Variants in CDH20 observed in about 807,000 individuals in gnomAD.
CDH20 encodes the protein cadherin 20.
Under a neutral mutation model 74.2 loss-of-function variants are expected in CDH20, and 29 were observed. That is an observed-to-expected ratio of 0.39 (90% CI 0.29 to 0.53). The LOEUF is 0.53. Ranked by LOEUF, CDH20 falls within the 20% of genes least tolerant of loss-of-function variation. The pLI, the probability that CDH20 is intolerant of heterozygous loss-of-function variation, is 0.69. For synonymous variants in CDH20, 469 were observed against 405.4 expected (o/e 1.16, Z -1.88); for missense variants, 988 against 1,048.3 (o/e 0.94, Z 0.79).
intron 1 of CDH20, among the ~76,000 whole-genome samples, chr18:61,416,454 C>T (rs1599070014): frequency 6.6e-6 from 1 of 152,320 alleles, no homozygotes; most frequent in East Asian, 1.9e-4. Context: ...GAGAGACAGT[C>T]CAACCTTAGA....
At chr18:61,474,825 A>C (rs1415547948) in intron 1 of CDH20, among the ~76,000 whole-genome samples, 1 of 152,080 alleles carries the variant, frequency 6.6e-6, no homozygotes, top group Non-Finnish European at 1.5e-5. Flanking sequence ...CCCGGGGATC[A>C]ATAGATGTTC....
chr18:61,523,386 G>A (rs186169936), intron 6 of CDH20, among the ~76,000 whole-genome samples: 1 of 152,212 alleles, frequency 6.6e-6, no homozygotes, highest in Non-Finnish European at 1.5e-5. Flanking sequence ...ATGCCAGTTA[G>A]AATGGTGATC....
chr18:61,384,561 T>C (rs924281220), intron 1 of CDH20, among the ~76,000 whole-genome samples: 2 of 152,202 alleles, frequency 1.3e-5, no homozygotes, highest in Admixed American at 1.3e-4. Flanking sequence ...TGGCTGTCAT[T>C]GTCTTTCGAC....
chr18:61,532,553 T>C (rs200424666), intron 7 of CDH20, among the ~76,000 whole-genome samples: 1 of 84,902 alleles, frequency 1.2e-5, no homozygotes, highest in African/African-American at 3.5e-5. Context: ...TATATATATA[T>C]ATACACACAC....
chr18:61,547,991 C>T (rs1467158079), intron 10 of CDH20, among the ~76,000 whole-genome samples: 1 of 151,930 alleles, frequency 6.6e-6, no homozygotes, highest in African/African-American at 2.4e-5. Flanking sequence ...GTCTCATGAC[C>T]TCACCTGGAT....
At chr18:61,470,867 A>G (rs1248572475) in intron 1 of CDH20, among the ~76,000 whole-genome samples, 2 of 152,052 alleles carry the variant, frequency 1.3e-5, no homozygotes, top group Non-Finnish European at 2.9e-5. Flanking sequence ...GCCTTCTTCT[A>G]TCTTCTCCTC....
chr18:61,496,016 A>ACCCTTCCTCTCCCACCTCTCTCCT (rs1568163820), intron 2 of CDH20, among the ~76,000 whole-genome samples: 1 of 30,884 alleles, frequency 3.2e-5, no homozygotes, highest in Admixed American at 3.4e-4. Flanking sequence ...TCTCCCCTCC[A>ACCCTTCCTCTCCCACCTCTCTCCT]CCCTTCCTCT....
chr18:61,490,596 G>A lies in CDH20; in HGVS notation c.43G>A (p.Gly15Arg). 6.2e-7 allele frequency: 1 copy of A among 1,614,098 alleles called. No individual in the cohort carries two copies. The highest frequency in any genetic ancestry group is 8.5e-7 in the Non-Finnish European group (1 of 1,179,994). The change falls in exon 2 of 12, where the codon GGA (glycine) becomes AGA (arginine). Residue 15 changes from glycine to arginine, a missense_variant. Around this residue, in one of 2 missense-constraint regions of CDH20, gnomAD observed 613 missense variants for 755.2 expected, o/e 0.81. Transcript: ENST00000262717. ...AATGAGCAATGCAAAGAACTGGCTT[G>A]GACTTGGCATGTCCTTGTACTTCTG... ...GRMSNAKNWL[G>R]LGMSLYFWGL...
At chr18:61,523,206 C>T (rs912535042) in intron 6 of CDH20, among the ~76,000 whole-genome samples, 3 of 84,468 alleles carry the variant, frequency 3.6e-5, no homozygotes, top group African/African-American at 1.1e-4. Context: ...GGAACTTAAA[C>T]AAATTTACAA....
rs553762634 is a variant in CDH20 at position 61,369,041 on chromosome 18, T to C, written c.-153+35214T>C. Among the ~76,000 whole-genome samples the C allele has an allele frequency of 3.2e-3, 481 of 152,142 alleles. 3 individuals are homozygous for C. Among genetic ancestry groups the C allele is most frequent in the African/African-American group, 0.011 (443 of 41,528 alleles). On this transcript the variant is annotated intron_variant, in intron 1 of 11. Coordinates refer to ENST00000262717, the MANE Select transcript of CDH20 (RefSeq NM_031891.4). Reference sequence around the variant, plus strand: ...ACAGATAACTTGTAGGACCTGGAAATGTTCTATAGAAACTGGGATTTGGGA... The same window carrying C: ...ACAGATAACTTGTAGGACCTGGAAACGTTCTATAGAAACTGGGATTTGGGA...
chr18:61,514,812 G>T (rs1488634774), intron 6 of CDH20, among the ~76,000 whole-genome samples: 1 of 152,120 alleles, frequency 6.6e-6, no homozygotes, highest in Non-Finnish European at 1.5e-5. Context: ...TAGGCTGCTT[G>T]GGGGTCAGGG....
chr18:61,513,977 C>T (rs2144342827), intron 6 of CDH20, among the ~76,000 whole-genome samples: 1 of 152,076 alleles, frequency 6.6e-6, no homozygotes, highest in South Asian at 2.1e-4. Flanking sequence ...AATTATGTGT[C>T]TTGGAGTTGC....
chr18:61,450,940 C>T (rs1234291452), intron 1 of CDH20, among the ~76,000 whole-genome samples: 1 of 152,014 alleles, frequency 6.6e-6, no homozygotes, highest in African/African-American at 2.4e-5. Context: ...TAAGCCTCCT[C>T]CTTATACATC....
chr18:61,478,863 C>G (rs994109305), intron 1 of CDH20, among the ~76,000 whole-genome samples: 2 of 152,074 alleles, frequency 1.3e-5, no homozygotes, highest in African/African-American at 4.8e-5. Context: ...TCTAGAAGAG[C>G]ATAGTTCTGA....
chr18:61,540,420 A>T (rs1183635604), intron 9 of CDH20, among the ~76,000 whole-genome samples: 3 of 152,154 alleles, frequency 2.0e-5, no homozygotes, highest in Non-Finnish European at 4.4e-5. Flanking sequence ...AAAGAAGGTT[A>T]ATGGACTCAC....
Position 61,335,074 on chromosome 18 carries a change from G to C in CDH20, c.-153+1247G>C, listed in dbSNP as rs781212825. ...AAGAACAACAAAAAGTTGAAACTAG[G>C]ATGAGTTTGAACCCACGCTTATAGA... On this transcript the variant is annotated intron_variant, in intron 1 of 11. Coordinates refer to ENST00000262717, the MANE Select transcript of CDH20 (RefSeq NM_031891.4). 3.0e-4 allele frequency among the ~76,000 whole-genome samples: 46 copies of C among 152,206 alleles called. 1 individual carries two copies. The highest frequency in any genetic ancestry group is 2.2e-3 in the Admixed American group (33 of 15,296).
chr18:61,555,108 A>G lies in CDH20; in HGVS notation c.*413A>G, dbSNP rs941252496. 3 of 1,012,164 alleles carry G rather than the reference A, an allele frequency of 3.0e-6. No individual in the cohort carries two copies. Among genetic ancestry groups the G allele is most frequent in the African/African-American group, 1.7e-5 (1 of 58,270 alleles). The allele number at this position is 1,012,164 out of a possible 1,614,324, so 62.7% of individuals were successfully genotyped here. A position where few individuals can be genotyped will look rare whatever the true frequency, so the allele number is the denominator to read the frequency against. On this transcript the variant is annotated 3_prime_UTR_variant, in exon 12 of 12. Transcript: ENST00000262717. ...TACTCTCGTATCTGTTTTTTATCTT[A>G]TCTTATTCTCCATTTAAGAGTTTTG...
At chr18:61,370,729 T>C (rs57153699) in intron 1 of CDH20, among the ~76,000 whole-genome samples, 1,854 of 152,216 alleles carry the variant, frequency 0.012, 33 homozygotes, top group African/African-American at 0.043. Flanking sequence ...AAACTGGATC[T>C]CCAGAATTTA....
chr18:61,480,392 T>C (rs1338206782), intron 1 of CDH20, among the ~76,000 whole-genome samples: 1 of 152,178 alleles, frequency 6.6e-6, no homozygotes, highest in Non-Finnish European at 1.5e-5. Context: ...GTGCCCGGGA[T>C]GGTCAGGGCA....
Sources: gnomAD v4.1 joint callset for allele counts (sites outside exome capture counted in the v4.1 genomes callset) on GRCh38, gnomAD v4.1.1 for gene constraint, gnomAD v4.1.1 regional missense constraint, MANE v1.5 for transcripts, NCBI Gene and HGNC (gene_info 2026-07-23, HGNC 2026-07-21) for gene names.